RAB3C: variants seen among roughly 807,000 people sequenced by gnomAD.
RAB3C encodes the protein ras-related protein Rab-3C.
RAB3C carries 17 observed loss-of-function variants against 26.4 expected under a neutral mutation model. The ratio of observed to expected loss-of-function variants is 0.64; its 90% CI spans 0.44 to 0.97. The LOEUF (loss-of-function observed/expected upper bound fraction) is 0.97, where lower values mean the gene tolerates loss of function less well. Ranked by LOEUF, RAB3C falls within the 50% of genes least tolerant of loss-of-function variation. The pLI is 0.00. For synonymous variants in RAB3C, 91 were observed against 95.9 expected, an observed-to-expected ratio of 0.95 and a Z score of 0.30; for missense variants, 242 against 281.9, an observed-to-expected ratio of 0.86 and a Z score of 1.01.
At chr5:58,619,039 G>T (rs1186895715) in intron 2 of RAB3C, among the ~76,000 whole-genome samples, 1 of 152,148 alleles carries the variant, frequency 6.6e-6, no homozygotes, top group East Asian at 1.9e-4. Flanking sequence ...TGTATAAACT[G>T]AATGACCTTT....
intron 4 of RAB3C, among the ~76,000 whole-genome samples, chr5:58,831,656 A>G (rs1743615444): frequency 6.6e-6 from 1 of 152,206 alleles, no homozygotes; most frequent in Non-Finnish European, 1.5e-5. Context: ...AGAGTGTGCT[A>G]TTTTATTTGC....
intron 2 of RAB3C, among the ~76,000 whole-genome samples, chr5:58,666,004 A>C (rs544918211): frequency 1.6e-4 from 24 of 152,294 alleles, no homozygotes; most frequent in African/African-American, 5.8e-4. Flanking sequence ...ATATTGAGGG[A>C]CACAAAGAAC....
intron 2 of RAB3C, among the ~76,000 whole-genome samples, chr5:58,624,634 ACCTGTGAT>A (rs1338015465): frequency 6.6e-6 from 1 of 152,196 alleles, no homozygotes; most frequent in Non-Finnish European, 1.5e-5. Context: ...TCGAAAATTT[ACCTGTGAT>A]TCTATAGGGA....
chr5:58,606,219 T>C (rs1746565553), intron 1 of RAB3C, among the ~76,000 whole-genome samples: 1 of 152,184 alleles, frequency 6.6e-6, no homozygotes, highest in Admixed American at 6.5e-5. Context: ...CCCACGGTCT[T>C]AGCAACAGGC....
intron 3 of RAB3C, among the ~76,000 whole-genome samples, chr5:58,808,858 A>G (rs998033010): frequency 3.3e-5 from 5 of 152,336 alleles, no homozygotes; most frequent in South Asian, 4.1e-4. Flanking sequence ...TATCAGCAAC[A>G]TAACTCTTCT....
At chr5:58,655,602 T>C (rs72760273) in intron 2 of RAB3C, among the ~76,000 whole-genome samples, 18,095 of 152,084 alleles carry the variant, frequency 0.12, 1,370 homozygotes, top group Non-Finnish European at 0.16. Context: ...ACAAAATTTT[T>C]TTTAAAAAGA....
At chr5:58,793,121 C>T (rs950027465) in intron 3 of RAB3C, among the ~76,000 whole-genome samples, 1 of 152,116 alleles carries the variant, frequency 6.6e-6, no homozygotes, top group East Asian at 1.9e-4. Context: ...ATTTGGTTCA[C>T]TCTGCAGAGA....
intron 1 of RAB3C, among the ~76,000 whole-genome samples, chr5:58,584,317 A>G (rs531821901): frequency 1.3e-5 from 2 of 152,286 alleles, no homozygotes; most frequent in African/African-American, 4.8e-5. Context: ...CCCTTACTGG[A>G]CTGTTAGATG....
At chr5:58,761,001 A>G (rs1318831873) in intron 3 of RAB3C, among the ~76,000 whole-genome samples, 1 of 151,972 alleles carries the variant, frequency 6.6e-6, no homozygotes. Flanking sequence ...TGCAGTTTAT[A>G]GAACATGAGT....
intron 3 of RAB3C, among the ~76,000 whole-genome samples, chr5:58,763,989 C>T (rs755511868): frequency 2.0e-5 from 3 of 152,176 alleles, no homozygotes; most frequent in African/African-American, 4.8e-5. Context: ...TGAAGGTTAT[C>T]ATGTTCTTCT....
chr5:58,821,997 T>G (rs10073994), intron 3 of RAB3C, among the ~76,000 whole-genome samples: 5,582 of 37,858 alleles, frequency 0.15, 137 homozygotes, highest in Non-Finnish European at 0.22. Context: ...TACAAATCTG[T>G]TTTTTTTCAA....
chr5:58,666,077 G>A (rs1276304558), intron 2 of RAB3C, among the ~76,000 whole-genome samples: 2 of 152,130 alleles, frequency 1.3e-5, no homozygotes, highest in Non-Finnish European at 2.9e-5. Flanking sequence ...AATAGATGAT[G>A]GGCTGTACTA....
chr5:58,608,783 C>T (rs1746627777), intron 1 of RAB3C, among the ~76,000 whole-genome samples: 1 of 152,102 alleles, frequency 6.6e-6, no homozygotes, highest in African/African-American at 2.4e-5. Context: ...GACTTGGAAC[C>T]AACCCAAATA....
rs1012050978 is a variant in RAB3C, at chr5:58,690,058, C to A, written c.253-35944C>A. On this transcript the variant is annotated intron_variant, in intron 2 of 4. Transcript: ENST00000282878. ...CTGGCATCCATCCAAACTGCCTCCT[C>A]CTATAAGAATTACTTTTTAAAATGT... 4.6e-5 allele frequency among the ~76,000 whole-genome samples: 7 copies of A among 152,018 alleles called. No homozygotes were observed. In the East Asian group the frequency reaches 1.4e-3, roughly 29 times the overall value.
chr5:58,683,966 G>T (rs568109918), intron 2 of RAB3C, among the ~76,000 whole-genome samples: 3 of 151,776 alleles, frequency 2.0e-5, no homozygotes, highest in Non-Finnish European at 2.9e-5. Flanking sequence ...CTCTTACTAC[G>T]CTCAACTTAT....
chr5:58,669,070 A>AC lies in RAB3C; in HGVS notation c.252+51205dup, dbSNP rs749136592. On this transcript the variant is annotated intron_variant, in intron 2 of 4. Coordinates refer to ENST00000282878, the MANE Select transcript of RAB3C (RefSeq NM_138453.4). ...GCACTAATCCCATCATGAGGGCTCC[A>AC]CCCCCACAACCTAATTACCTCCTGA... is the stretch of plus-strand genomic sequence containing the variant. Among the ~76,000 whole-genome samples the AC allele has an allele frequency of 1.1e-4, 17 of 152,158 alleles. No homozygotes were observed. In the East Asian group the frequency reaches 3.3e-3, roughly 29 times the overall value.
intron 1 of RAB3C, among the ~76,000 whole-genome samples, chr5:58,586,176 T>C (rs1173370016): frequency 6.6e-6 from 1 of 152,064 alleles, no homozygotes; most frequent in Non-Finnish European, 1.5e-5. Flanking sequence ...ATCATACATA[T>C]CTATGGATAT....
At chr5:58,823,489 A>C (rs1176392611) in intron 3 of RAB3C, 1 of 153,248 alleles carries the variant, frequency 6.5e-6, no homozygotes, top group Non-Finnish European at 1.5e-5. Flanking sequence ...ATGCCACTGC[A>C]CTCCAGCCTG....
rs1748579892 is a variant in RAB3C, at chr5:58,692,028, C to T, written c.253-33974C>T. ...TGACGCTTTTTCTTCAAGGTCAGAACACCCAAGGATGAGTAAGCCTGCTGT... is the reference window on the plus strand; with the variant it reads ...TGACGCTTTTTCTTCAAGGTCAGAATACCCAAGGATGAGTAAGCCTGCTGT... On this transcript the variant is annotated intron_variant, in intron 2 of 4. Transcript: ENST00000282878. 3.9e-5 allele frequency among the ~76,000 whole-genome samples: 6 copies of T among 152,274 alleles called. 1 individual carries two copies. The South Asian group carries it at 1.2e-3, about 32-fold the overall frequency.
Sources: gnomAD v4.1 joint callset for allele counts (sites outside exome capture counted in the v4.1 genomes callset) on GRCh38, gnomAD v4.1.1 for gene constraint, MANE v1.5 for transcripts, NCBI Gene and HGNC (gene_info 2026-07-23, HGNC 2026-07-21) for gene names.